The following PIK3C2G variants were observed in gnomAD, a reference collection of about 807,000 sequenced individuals.
PIK3C2G encodes phosphatidylinositol-4-phosphate 3-kinase catalytic subunit type 2 gamma.
A neutral mutation model predicts 181.1 loss-of-function variants in PIK3C2G; 168 were observed. The observed-to-expected ratio is 0.93, with a 90% confidence interval of 0.82 to 1.05. PIK3C2G has a LOEUF of 1.05. PIK3C2G is among the 50% of genes least tolerant of loss of function. The probability of loss-of-function intolerance (pLI) is 0.00; values close to 1 mark genes in which losing one functional copy is unlikely to be tolerated. For missense variants in PIK3C2G, 1,869 were observed against 1,732.8 expected (o/e 1.08, Z -1.40); for synonymous variants, 573 against 592.2 (o/e 0.97, Z 0.47).
At chr12:18,414,824 G>T (rs774999889) in intron 16 of PIK3C2G, among the ~76,000 whole-genome samples, 1 of 152,060 alleles carries the variant, frequency 6.6e-6, no homozygotes, top group Non-Finnish European at 1.5e-5. Flanking sequence ...TTTTTAATGC[G>T]GCCAACACTT....
intron 11 of PIK3C2G, among the ~76,000 whole-genome samples, chr12:18,360,728 A>T (rs753319200): frequency 6.6e-6 from 1 of 152,176 alleles, no homozygotes; most frequent in African/African-American, 2.4e-5. Flanking sequence ...TGAAAAATAC[A>T]CTAATAATCT....
chr12:18,684,271 G>T, the PIK3C2G span: 1 of 1,605,548 alleles, frequency 6.2e-7, no homozygotes, highest in Non-Finnish European at 8.5e-7. Flanking sequence ...TTCCATCTTG[G>T]ACTAAAAGCT....
the PIK3C2G span, among the ~76,000 whole-genome samples, chr12:18,676,464 C>G: frequency 6.6e-6 from 1 of 152,022 alleles, no homozygotes; most frequent in South Asian, 2.1e-4. Context: ...CCTGCATTTG[C>G]CTTGCTAGTA....
chr12:18,433,971 G>C (rs1946306968), intron 18 of PIK3C2G, among the ~76,000 whole-genome samples: 1 of 152,106 alleles, frequency 6.6e-6, no homozygotes, highest in Non-Finnish European at 1.5e-5. Context: ...TCATCTTATG[G>C]CTCAGTCATT....
intron 29 of PIK3C2G, among the ~76,000 whole-genome samples, chr12:18,586,948 C>T (rs1197249514): frequency 6.6e-6 from 1 of 151,844 alleles, no homozygotes; most frequent in Non-Finnish European, 1.5e-5. Flanking sequence ...TAGAACTAAA[C>T]ACAAAAACCA....
intron 13 of PIK3C2G, among the ~76,000 whole-genome samples, chr12:18,379,163 A>C (rs1291746734): frequency 6.6e-6 from 1 of 152,072 alleles, no homozygotes; most frequent in Non-Finnish European, 1.5e-5. Flanking sequence ...ACACATATAC[A>C]CCATGGAATA....
the PIK3C2G span, chr12:18,693,338 T>TG: frequency 6.4e-7 from 1 of 1,564,344 alleles, no homozygotes; most frequent in Non-Finnish European, 8.8e-7. Flanking sequence ...ATGCAGATAC[T>TG]GGGGGGTTGG....
the PIK3C2G span, among the ~76,000 whole-genome samples, chr12:18,656,523 C>T: frequency 6.6e-6 from 1 of 152,140 alleles, no homozygotes; most frequent in Non-Finnish European, 1.5e-5. Flanking sequence ...CAAGATCACA[C>T]CACTGGACTC....
chr12:18,717,787 C>G, the PIK3C2G span, among the ~76,000 whole-genome samples: 485 of 152,216 alleles, frequency 3.2e-3, 2 homozygotes, highest in African/African-American at 0.011. Context: ...TTGGCTATAC[C>G]TCCTAAAATT....
intron 29 of PIK3C2G, among the ~76,000 whole-genome samples, chr12:18,590,647 C>T (rs1039942853): frequency 1.3e-5 from 2 of 151,746 alleles, no homozygotes; most frequent in Non-Finnish European, 2.9e-5. Flanking sequence ...TCTATTGGTG[C>T]AATGTGAAAA....
At position 18,350,438 on chromosome 12, in the gene PIK3C2G, AT is replaced by A. The variant is rs530096645; in HGVS notation, c.1625+3605del. 1.7e-3 allele frequency among the ~76,000 whole-genome samples: 262 copies of A among 152,312 alleles called. 1 individual carries two copies. Among genetic ancestry groups the A allele is most frequent in the African/African-American group, 6.2e-3 (256 of 41,572 alleles). On this transcript the variant is annotated intron_variant, in intron 11 of 32. Transcript: ENST00000538779. ...ATAAAGTATATCTGTGCAAAAAATG[AT>A]TTGACAGTACTTTCAATTATGGGAT...
At chr12:18,412,124 G>C (rs1944899875) in intron 16 of PIK3C2G, among the ~76,000 whole-genome samples, 1 of 152,116 alleles carries the variant, frequency 6.6e-6, no homozygotes, top group Non-Finnish European at 1.5e-5. Flanking sequence ...GTAAATGTTT[G>C]AGAAAAGAGA....
chr12:18,575,087 A>G (rs1235295903), intron 29 of PIK3C2G, among the ~76,000 whole-genome samples: 1 of 152,186 alleles, frequency 6.6e-6, no homozygotes, highest in African/African-American at 2.4e-5. Flanking sequence ...ATCCTAGGTC[A>G]TAGGGGTCCT....
chr12:18,243,604 T>C (rs1948007674), upstream of PIK3C2G, among the ~76,000 whole-genome samples: 1 of 152,008 alleles, frequency 6.6e-6, no homozygotes, highest in African/African-American at 2.4e-5. Flanking sequence ...CACTAAGCCC[T>C]GAAGAAACAA....
chr12:18,368,811 A>G (rs1055628841), intron 12 of PIK3C2G, among the ~76,000 whole-genome samples: 4 of 152,136 alleles, frequency 2.6e-5, no homozygotes, highest in African/African-American at 9.7e-5. Context: ...CTCAAATTCA[A>G]TTATGGTCAT....
intron 2 of PIK3C2G, among the ~76,000 whole-genome samples, chr12:18,283,434 G>T (rs1360239019): frequency 6.6e-6 from 1 of 152,070 alleles, no homozygotes; most frequent in Non-Finnish European, 1.5e-5. Context: ...ACTTAAAAAA[G>T]AAGAAACATT....
At chr12:18,574,721 C>G (rs375312244) in intron 29 of PIK3C2G, among the ~76,000 whole-genome samples, 147 of 152,240 alleles carry the variant, frequency 9.7e-4, no homozygotes, top group African/African-American at 3.5e-3. Context: ...GGCATTGTAA[C>G]AGTAGGAAAA....
At chr12:18,440,725 G>A (rs570998683) in intron 18 of PIK3C2G, among the ~76,000 whole-genome samples, 1 of 152,104 alleles carries the variant, frequency 6.6e-6, no homozygotes, top group South Asian at 2.1e-4. Flanking sequence ...GGAAAGAGTA[G>A]GGGTAAGGGC....
intron 7 of PIK3C2G, among the ~76,000 whole-genome samples, chr12:18,322,730 C>T (rs1176280582): frequency 6.6e-6 from 1 of 152,126 alleles, no homozygotes; most frequent in East Asian, 1.9e-4. Flanking sequence ...CTCTGCCACC[C>T]TTCCCCCTAA....
Sources: gnomAD v4.1 joint callset for allele counts (sites outside exome capture counted in the v4.1 genomes callset) on GRCh38, gnomAD v4.1.1 for gene constraint, MANE v1.5 for transcripts, NCBI Gene and HGNC (gene_info 2026-07-23, HGNC 2026-07-21) for gene names.